The following NLRP1 variants were observed in gnomAD, a reference collection of about 807,000 sequenced individuals.
The protein encoded by NLRP1 is NLR family pyrin domain containing 1.
NLRP1 carries 94 observed loss-of-function variants against 136.7 expected under a neutral mutation model. The observed-to-expected ratio is 0.69, with a 90% CI of 0.58 to 0.82. The LOEUF is 0.82. Among genes scored for constraint, NLRP1 ranks in the 40% least tolerant of loss-of-function variants. The pLI, the probability that NLRP1 is intolerant of heterozygous loss-of-function variation, is 0.00. For missense variants in NLRP1, 1,575 were observed against 1,802.7 expected (o/e 0.87, Z 2.29); for synonymous variants, 690 against 725.1 (o/e 0.95, Z 0.78).
intron 4 of NLRP1, among the ~76,000 whole-genome samples, chr17:5,555,537 T>A (rs78750610): frequency 6.6e-6 from 1 of 152,074 alleles, no homozygotes; most frequent in African/African-American, 2.4e-5. Context: ...TCCCTTTGCC[T>A]ATCCCAGCCC....
intron 16 of NLRP1, 29 bp from the exon 17 acceptor site, chr17:5,515,102 C>A (rs755968107): frequency 6.3e-7 from 1 of 1,594,364 alleles, no homozygotes; most frequent in Non-Finnish European, 8.6e-7. Flanking sequence ...GGGCTCCAAC[C>A]ACAGCCTCCA....
At chr17:5,540,368 T>C (rs1351380205) in intron 6 of NLRP1, among the ~76,000 whole-genome samples, 1 of 152,224 alleles carries the variant, frequency 6.6e-6, no homozygotes, top group Non-Finnish European at 1.5e-5. Context: ...ATGTTGTATA[T>C]ATGTAGGCTC....
intron 9 of NLRP1, among the ~76,000 whole-genome samples, 192 bp from the exon 10 acceptor site, chr17:5,533,576 T>TA (rs1472773372): frequency 3.0e-5 from 4 of 133,528 alleles, no homozygotes; most frequent in Non-Finnish European, 5.0e-5. Context: ...TTTTTTTTTT[T>TA]AGATGGCAGG....
At chr17:5,519,908 G>T (rs1166131791) in intron 14 of NLRP1, among the ~76,000 whole-genome samples, 4 of 131,306 alleles carry the variant, frequency 3.0e-5, no homozygotes, top group Non-Finnish European at 6.3e-5. Context: ...CTAGGCTGGA[G>T]TGCAGTGGTG....
At chr17:5,576,813 A>T (rs1016743306) in intron 3 of NLRP1, among the ~76,000 whole-genome samples, 6 of 152,214 alleles carry the variant, frequency 3.9e-5, no homozygotes, top group Non-Finnish European at 8.8e-5. Context: ...ACAAAAAAAA[A>T]GGAATTTTAG....
At chr17:5,571,535 T>A (rs1009347949) in intron 3 of NLRP1, among the ~76,000 whole-genome samples, 1 of 152,164 alleles carries the variant, frequency 6.6e-6, no homozygotes, top group Non-Finnish European at 1.5e-5. Flanking sequence ...GGAATACATC[T>A]AACCAGGATT....
chr17:5,581,200 G>A (rs993639522), intron 3 of NLRP1, among the ~76,000 whole-genome samples: 2 of 152,214 alleles, frequency 1.3e-5, no homozygotes, highest in African/African-American at 4.8e-5. Flanking sequence ...GTGGCATCAG[G>A]AGCCTCTGTA....
chr17:5,511,126 G>A (rs534847103), downstream of NLRP1, among the ~76,000 whole-genome samples: 27 of 152,238 alleles, frequency 1.8e-4, no homozygotes, highest in Admixed American at 1.6e-3. Context: ...AATTCTAGCT[G>A]TTGCTATTAG....
rs563483749 is a variant in NLRP1 at position 5,533,344 on chromosome 17, G to C, written c.3093C>G (p.Leu1031=). 1 of 1,468,930 alleles carries C rather than the reference G, an allele frequency of 6.8e-7. No individual in the cohort carries two copies. Among genetic ancestry groups the C allele is most frequent in the African/African-American group, 1.4e-5 (1 of 71,464 alleles). 91.0% of individuals were successfully genotyped at this position (1,468,930 alleles called of 1,614,324 possible). A position where few individuals can be genotyped will look rare whatever the true frequency, so the allele number is the denominator to read the frequency against. Residue 1031 remains leucine (L), a synonymous_variant, in exon 10 of 17, where the codon CTC becomes CTG. Transcript: ENST00000572272. ...TTGGGAAGATCTTGCTCACGTCCAG[G>C]AGTTTGAGATTAGCCTGAGCAACAT... ...ASHVAQANLK[L]LDVSKIFPIA... is the part of the protein sequence containing the mutation.
In NLRP1 at chr17:5,520,904, C is replaced by G; in HGVS notation, c.3892G>C (p.Gly1298Arg). The G allele has an allele frequency of 1.9e-6, 3 of 1,608,342 alleles. No homozygotes were observed. Among genetic ancestry groups the G allele is most frequent in the Non-Finnish European group, 1.7e-6 (2 of 1,176,792 alleles). Residue 1298 changes from glycine to arginine, a missense_variant, in exon 14 of 17, where the codon GGG becomes CGG. Gly to Arg is a moderately radical substitution (Grantham distance 125). Transcript: ENST00000572272. Reference sequence around the variant, plus strand: ...ACCTTGGGGAGTATTTCCAGCATCCCTGAACCAGACCCAGACACAGTGTAA... The same window carrying G: ...ACCTTGGGGAGTATTTCCAGCATCCGTGAACCAGACCCAGACACAGTGTAA... The part of the protein sequence containing the change: ...CRYTVSGSGS[G>R]MLEILPKELE...
At chr17:5,507,023 T>C (rs1907379286) in intron 15 of NLRP1, among the ~76,000 whole-genome samples, 4 of 151,894 alleles carry the variant, frequency 2.6e-5, no homozygotes, top group African/African-American at 4.8e-5. Flanking sequence ...ATTCCACTTA[T>C]ATAAGGTTTC....
chr17:5,567,454 AAACTT>A (rs1440241556), intron 3 of NLRP1, among the ~76,000 whole-genome samples: 1 of 152,110 alleles, frequency 6.6e-6, no homozygotes, highest in African/African-American at 2.4e-5. Flanking sequence ...AAACTAATAA[AAACTT>A]AACTTCATTT....
intron 14 of NLRP1, among the ~76,000 whole-genome samples, chr17:5,519,727 C>T (rs576681185): frequency 7.2e-5 from 11 of 152,040 alleles, no homozygotes; most frequent in Admixed American, 1.3e-4. Flanking sequence ...GGATTATAGG[C>T]GTGACCCACT....
intron 3 of NLRP1, among the ~76,000 whole-genome samples, chr17:5,564,799 G>T (rs1246367953): frequency 6.9e-6 from 1 of 145,206 alleles, no homozygotes; most frequent in Non-Finnish European, 1.5e-5. Context: ...GTGCAGTGGC[G>T]CAATCTTGGC....
chr17:5,548,909 G>C (rs978636209), intron 5 of NLRP1, among the ~76,000 whole-genome samples: 2 of 152,154 alleles, frequency 1.3e-5, no homozygotes, highest in African/African-American at 2.4e-5. Flanking sequence ...TGGGGTGGGG[G>C]TGTTCCCCAG....
intron 15 of NLRP1, chr17:5,505,293 C>T (rs913264443): frequency 2.6e-5 from 4 of 152,432 alleles, no homozygotes; most frequent in Non-Finnish European, 5.9e-5. Context: ...TGGGAGCTCA[C>T]ATCCAATGCT....
At position 5,528,268 on chromosome 17, in the gene NLRP1, C is replaced by T. The variant is rs535789271; in HGVS notation, c.3520+2213G>A. ...GGCTGGTTGTGGTAGTGGCTGTGTT[C>T]ATTACTCTATAGATTGCCCGGTGGG... On this transcript the variant is annotated intron_variant, in intron 12 of 16. Coordinates refer to ENST00000572272, the MANE Select transcript of NLRP1 (RefSeq NM_033004.4). Among the ~76,000 whole-genome samples the T allele has an allele frequency of 4.9e-3, 739 of 152,268 alleles. 9 individuals carry two copies. Among genetic ancestry groups the T allele is most frequent in the African/African-American group, 0.017 (701 of 41,542 alleles).
intron 11 of NLRP1, among the ~76,000 whole-genome samples, chr17:5,531,849 G>A (rs963746999): frequency 2.0e-5 from 3 of 152,206 alleles, no homozygotes; most frequent in East Asian, 1.9e-4. Flanking sequence ...ATTAGTGGCT[G>A]TTAATAAAAC....
At chr17:5,552,020 C>T (rs1478827434) in intron 5 of NLRP1, among the ~76,000 whole-genome samples, 1 of 151,014 alleles carries the variant, frequency 6.6e-6, no homozygotes, top group Non-Finnish European at 1.5e-5. Flanking sequence ...GGCAATTGTC[C>T]TGCCTTGGCC....
Sources: allele counts gnomAD v4.1 joint callset (sites outside exome capture counted in the v4.1 genomes callset), GRCh38; gene constraint gnomAD v4.1.1; transcripts MANE v1.5; gene names NCBI Gene and HGNC (gene_info 2026-07-23, HGNC 2026-07-21).